The following GUCY2C variants were observed in gnomAD, a reference collection of about 807,000 sequenced individuals.
GUCY2C encodes guanylyl cyclase C.
A neutral mutation model predicts 131.1 loss-of-function variants in GUCY2C; 118 were observed. The observed-to-expected ratio is 0.90, with a 90% confidence interval of 0.78 to 1.05. The LOEUF is 1.05. Ranked by LOEUF, GUCY2C falls within the 50% of genes least tolerant of loss-of-function variation. The pLI is 0.00. For missense variants in GUCY2C, 1,161 were observed against 1,304.4 expected, an observed-to-expected ratio of 0.89 and a Z score of 1.69; for synonymous variants, 452 against 457.8, an observed-to-expected ratio of 0.99 and a Z score of 0.16.
rs561859500 is a variant in GUCY2C, at chr12:14,619,106, T to G, written c.2875+105A>C. ...AGCTAATGTGAAGAATTATTCTACATCTCACTGGCACTTTGTATCTCCTTA... is the reference window on the plus strand; with the variant it reads ...AGCTAATGTGAAGAATTATTCTACAGCTCACTGGCACTTTGTATCTCCTTA... On this transcript the variant is annotated intron_variant, in intron 24 of 26. Transcript: ENST00000261170. 1.5e-4 allele frequency: 100 copies of G among 647,802 alleles called. 1 individual carries two copies. The African/African-American group carries it at 1.6e-3, about 10-fold the overall frequency. 40.1% of individuals were successfully genotyped at this position (647,802 alleles called of 1,614,324 possible). A position where few individuals can be genotyped will look rare whatever the true frequency, so the allele number is the denominator to read the frequency against.
Position 14,621,201 on chromosome 12 carries a change from C to G in GUCY2C, c.2617G>C (p.Asp873His). The G allele has an allele frequency of 6.2e-7, 1 of 1,612,876 alleles. No homozygotes were observed. The highest frequency in any genetic ancestry group is 8.5e-7 in the Non-Finnish European group (1 of 1,179,478). The change falls in exon 23 of 27, where the codon GAT becomes CAT. Residue 873 changes from aspartate (D) to histidine (H), a missense_variant. Physicochemically the swap from Asp to His is moderately conservative, Grantham distance 81. Transcript: ENST00000261170. ...HDVYKVETIG[D>H]AYMVASGLPK... ...AAACCACTAGCCACCATGTACGCAT[C>G]ACCGATGGTTTCCACCTGTGGAAAC...
At chr12:14,622,941 C>T (rs939287798) in intron 21 of GUCY2C, among the ~76,000 whole-genome samples, 9 of 152,258 alleles carry the variant, frequency 5.9e-5, no homozygotes, top group Middle Eastern at 3.4e-3. Flanking sequence ...GCCAAGTTAC[C>T]TCTTCATTGA....
intron 19 of GUCY2C, among the ~76,000 whole-genome samples, chr12:14,636,210 A>G (rs1223830301): frequency 6.6e-6 from 1 of 152,184 alleles, no homozygotes; most frequent in East Asian, 1.9e-4. Flanking sequence ...CCAAGAAAAA[A>G]AATACTAGCA....
At chr12:14,625,486 C>T (rs1258202593) in intron 21 of GUCY2C, among the ~76,000 whole-genome samples, 1 of 152,000 alleles carries the variant, frequency 6.6e-6, no homozygotes, top group Non-Finnish European at 1.5e-5. Flanking sequence ...CGCCACCACA[C>T]CTGGCTAATT....
chr12:14,614,085 G>T (rs966380733), intron 26 of GUCY2C, among the ~76,000 whole-genome samples: 1 of 152,152 alleles, frequency 6.6e-6, no homozygotes, highest in Non-Finnish European at 1.5e-5. Context: ...GGAGTGGAAT[G>T]CAGAGAGCCT....
chr12:14,649,926 A>C (rs546025649), intron 15 of GUCY2C, among the ~76,000 whole-genome samples: 7 of 152,324 alleles, frequency 4.6e-5, no homozygotes, highest in African/African-American at 1.4e-4. Context: ...AACAGATTTC[A>C]TGATTATATT....
In GUCY2C at chr12:14,616,713, C is replaced by A. The variant is rs1382390012; in HGVS notation, c.2890G>T (p.Val964Leu). ...AGGATGGCTATGGTGGAGCCACTCA[C>A]GTGAATTCTCAAAGCTGGAAATGCA... ...ESTGLPLRIH[V>L]SGSTIAILKR... Residue 964 changes from valine to leucine, a missense_variant, in exon 25 of 27, where the codon GTG becomes TTG. By Grantham distance (32) the Val-to-Leu change is conservative. Coordinates refer to ENST00000261170, the MANE Select transcript of GUCY2C (RefSeq NM_004963.4). The A allele has an allele frequency of 2.5e-6, 4 of 1,600,024 alleles. No individual in the cohort carries two copies. The highest frequency in any genetic ancestry group is 3.3e-5 in the Admixed American group (2 of 59,924).
chr12:14,633,902 A>G (rs1184104623), intron 19 of GUCY2C, among the ~76,000 whole-genome samples: 1 of 152,158 alleles, frequency 6.6e-6, no homozygotes, highest in Non-Finnish European at 1.5e-5. Flanking sequence ...CAAAGCCTAC[A>G]TGATATAGAC....
chr12:14,647,508 C>T (rs1442101255), intron 15 of GUCY2C, among the ~76,000 whole-genome samples: 2 of 152,086 alleles, frequency 1.3e-5, no homozygotes, highest in Non-Finnish European at 2.9e-5. Flanking sequence ...TTGCTGAGTA[C>T]GATGTGAAAT....
intron 9 of GUCY2C, among the ~76,000 whole-genome samples, chr12:14,671,030 A>C (rs1948096169): frequency 6.6e-6 from 1 of 151,682 alleles, no homozygotes; most frequent in Non-Finnish European, 1.5e-5. Flanking sequence ...CTAGCATGGG[A>C]AAGACCAGCC....
At chr12:14,645,981 G>T (rs1371560628) in intron 15 of GUCY2C, among the ~76,000 whole-genome samples, 1 of 151,974 alleles carries the variant, frequency 6.6e-6, no homozygotes, top group Non-Finnish European at 1.5e-5. Context: ...GATTACAGGC[G>T]CATGCCACTA....
intron 1 of GUCY2C, among the ~76,000 whole-genome samples, chr12:14,690,915 A>G (rs556222514): frequency 7.9e-5 from 12 of 152,310 alleles, no homozygotes; most frequent in Admixed American, 1.3e-4. Flanking sequence ...ATTATGAGTG[A>G]TTTCTTATGT....
intron 8 of GUCY2C, among the ~76,000 whole-genome samples, chr12:14,673,299 G>A (rs1045756068): frequency 7.2e-5 from 11 of 152,100 alleles, no homozygotes; most frequent in Non-Finnish European, 1.6e-4. Flanking sequence ...ATAGTGTATA[G>A]GGTCACTGCA....
chr12:14,613,242 A>C lies in GUCY2C; in HGVS notation c.3097T>G (p.Ser1033Ala). The change falls in exon 27 of 27, where the codon TCT (serine) becomes GCT (alanine). Residue 1033 changes from serine (S) to alanine (A), a missense_variant. Physicochemically the swap from Ser to Ala is moderately conservative, Grantham distance 99 (BLOSUM62 1). Coordinates refer to ENST00000261170, the MANE Select transcript of GUCY2C (RefSeq NM_004963.4). The surrounding 1 kb of genome is among the most constrained non-coding windows in gnomAD (Gnocchi z 4.9). ...QAEFSDMIAN[S>A]LQKRQAAGIR... ...CCTGCTGCCTGTCTTTTCTGTAAAG[A>C]GTTGGCAATCATGTCTGAAAATTCT... is the stretch of plus-strand genomic sequence containing the variant. 6.2e-7 allele frequency: 1 copy of C among 1,613,380 alleles called. No individual in the cohort carries two copies. The highest frequency in any genetic ancestry group is 8.5e-7 in the Non-Finnish European group (1 of 1,179,482).
chr12:14,676,963 T>A lies in GUCY2C; in HGVS notation c.839A>T (p.Tyr280Phe). 7.7e-7 allele frequency: 1 copy of A among 1,297,016 alleles called. No individual in the cohort carries two copies. The highest frequency in any genetic ancestry group is 1.4e-5 in the South Asian group (1 of 70,574). 80.3% of individuals were successfully genotyped at this position (1,297,016 alleles called of 1,614,324 possible). A position where few individuals can be genotyped will look rare whatever the true frequency, so the allele number is the denominator to read the frequency against. ...AGGGGCTGTGACATTGTCCTCAAAG[T>A]ACTGGTCACTGTAATAAAAAGCACA... ...IILVDLFNDQ[Y>F]FEDNVTAPDY... Residue 280 changes from tyrosine to phenylalanine, a missense_variant, in exon 7 of 27, where the codon TAC (tyrosine) becomes TTC (phenylalanine). By Grantham distance (22) the Tyr-to-Phe change is conservative. Coordinates refer to ENST00000261170, the MANE Select transcript of GUCY2C (RefSeq NM_004963.4).
In GUCY2C at chr12:14,625,894, AT is replaced by A; in HGVS notation, c.2270del (p.Asn757MetfsTer8). Reference protein sequence around the residue: ...KIFGLFHDQKNESYMDTLIRR... With the variant: ...KIFGLFHDQKXESYMDTLIRR... ...GGATCAAGGTATCCATATAGCTTTC[AT>A]TTTTTTGGTCATGAAAAAGTCTGTA... On this transcript the variant is annotated frameshift_variant, in exon 21 of 27. Transcript: ENST00000261170. LOFTEE classifies it high-confidence loss of function. 6.2e-7 allele frequency: 1 copy of A among 1,613,050 alleles called. No individual in the cohort carries two copies. Among genetic ancestry groups the A allele is most frequent in the Non-Finnish European group, 8.5e-7 (1 of 1,179,160 alleles).
chr12:14,675,118 G>A (rs2137078119), intron 7 of GUCY2C, among the ~76,000 whole-genome samples: 1 of 149,148 alleles, frequency 6.7e-6, no homozygotes, highest in East Asian at 2.0e-4. Context: ...GGCTGAGGCA[G>A]GAGAATCACT....
At chr12:14,691,862 T>C (rs1434084667) in intron 1 of GUCY2C, among the ~76,000 whole-genome samples, 2 of 152,246 alleles carry the variant, frequency 1.3e-5, no homozygotes, top group African/African-American at 2.4e-5. Context: ...TCTTTCACTA[T>C]ATGCCTAGCT....
At chr12:14,666,627 C>T (rs1947986200) in intron 10 of GUCY2C, among the ~76,000 whole-genome samples, 2 of 151,206 alleles carry the variant, frequency 1.3e-5, no homozygotes, top group African/African-American at 4.9e-5. Flanking sequence ...TCCAGCTACT[C>T]GGGAGGCTGA....
Sources: gnomAD v4.1 joint callset for allele counts (sites outside exome capture counted in the v4.1 genomes callset) on GRCh38, gnomAD v4.1.1 for gene constraint, Gnocchi (gnomAD v3.1) non-coding constraint, MANE v1.5 for transcripts, NCBI Gene and HGNC (gene_info 2026-07-23, HGNC 2026-07-21) for gene names.